The following GRM7 variants were observed in gnomAD, a reference collection of about 807,000 sequenced individuals.
The protein encoded by GRM7 is glutamate metabotropic receptor 7.
A neutral mutation model predicts 84.5 loss-of-function variants in GRM7; 35 were observed. That is an observed-to-expected ratio of 0.41 (90% CI 0.32 to 0.55). GRM7 has a LOEUF of 0.55. Among genes scored for constraint, GRM7 ranks in the 20% least tolerant of loss-of-function variants. The probability of loss-of-function intolerance (pLI) is 0.19; values close to 1 mark genes in which losing one functional copy is unlikely to be tolerated. For missense variants in GRM7, 1,003 were observed against 1,194.6 expected (o/e 0.84, Z 2.36); for synonymous variants, 487 against 455.1 (o/e 1.07, Z -0.89).
rs1702651870 is a variant in GRM7, at chr3:7,740,466, C to T, written c.*60C>T. ...ACCCTCAGTTATTTTGTCACCCAAC[C>T]TGGCATAGGACTCTTTGGTCCTACC... On this transcript the variant is annotated 3_prime_UTR_variant, in exon 10 of 10. Transcript: ENST00000357716. The T allele has an allele frequency of 1.0e-6, 1 of 991,230 alleles. No homozygotes were observed. The highest frequency in any genetic ancestry group is 1.5e-6 in the Non-Finnish European group (1 of 654,046). The allele number at this position is 991,230 out of a possible 1,614,324, so 61.4% of individuals were successfully genotyped here. A position where few individuals can be genotyped will look rare whatever the true frequency, so the allele number is the denominator to read the frequency against.
At chr3:7,301,243 G>A (rs1347032149) in intron 3 of GRM7, among the ~76,000 whole-genome samples, 2 of 151,938 alleles carry the variant, frequency 1.3e-5, no homozygotes, top group Admixed American at 6.5e-5. Flanking sequence ...CTCCAGTTCC[G>A]GAGAACTGAT....
At chr3:7,601,716 A>C (rs1575542682) in intron 8 of GRM7, among the ~76,000 whole-genome samples, 1 of 152,242 alleles carries the variant, frequency 6.6e-6, no homozygotes, top group South Asian at 2.1e-4. Flanking sequence ...GGAGTCATCA[A>C]GAATTCATGC....
intron 1 of GRM7, among the ~76,000 whole-genome samples, chr3:7,094,157 C>T (rs1266133948): frequency 6.6e-6 from 1 of 151,642 alleles, no homozygotes; most frequent in Non-Finnish European, 1.5e-5. Context: ...AAGAGACAGA[C>T]AATAAACAGA....
chr3:7,066,137 A>ACCAAAC (rs1697649475), intron 1 of GRM7, among the ~76,000 whole-genome samples: 1 of 151,818 alleles, frequency 6.6e-6, no homozygotes, highest in South Asian at 2.1e-4. Context: ...ATAAGAACAA[A>ACCAAAC]CCAAACCCAA....
chr3:7,021,531 A>G (rs1334094874), intron 1 of GRM7, among the ~76,000 whole-genome samples: 4 of 152,204 alleles, frequency 2.6e-5, no homozygotes, highest in Admixed American at 1.3e-4. Context: ...TAATTCTCAC[A>G]TCTCAGTTCT....
chr3:6,893,526 G>C (rs1354416064), intron 1 of GRM7, among the ~76,000 whole-genome samples: 1 of 152,098 alleles, frequency 6.6e-6, no homozygotes, highest in African/African-American at 2.4e-5. Flanking sequence ...CATAAACTGA[G>C]CATCCAAAAC....
intron 8 of GRM7, among the ~76,000 whole-genome samples, chr3:7,663,130 A>G (rs1699536603): frequency 6.6e-6 from 1 of 152,194 alleles, no homozygotes; most frequent in Admixed American, 6.5e-5. Context: ...CTGAACTCCC[A>G]GGGAACACAA....
chr3:7,455,290 G>T (rs902637652), intron 6 of GRM7, among the ~76,000 whole-genome samples: 1 of 152,082 alleles, frequency 6.6e-6, no homozygotes, highest in African/African-American at 2.4e-5. Flanking sequence ...ATTTTTTTAG[G>T]CAAGAATCAT....
intron 5 of GRM7, among the ~76,000 whole-genome samples, chr3:7,420,435 A>G (rs1052362360): frequency 1.3e-5 from 2 of 152,128 alleles, no homozygotes; most frequent in African/African-American, 4.8e-5. Flanking sequence ...TTGGTACTCT[A>G]AGACTTTTTT....
chr3:7,215,766 C>T (rs1159257252), intron 2 of GRM7, among the ~76,000 whole-genome samples: 3 of 152,090 alleles, frequency 2.0e-5, no homozygotes, highest in Non-Finnish European at 4.4e-5. Flanking sequence ...TCTTATGGGT[C>T]TTAAAGGCTA....
intron 2 of GRM7, among the ~76,000 whole-genome samples, chr3:7,278,396 C>T (rs983569487): frequency 6.6e-6 from 1 of 152,026 alleles, no homozygotes; most frequent in Admixed American, 6.5e-5. Context: ...TGAAAGAAAA[C>T]ATGTTATTAA....
chr3:7,530,192 G>A (rs1700982727), intron 7 of GRM7, among the ~76,000 whole-genome samples: 1 of 150,210 alleles, frequency 6.7e-6, no homozygotes, highest in Non-Finnish European at 1.5e-5. Context: ...GACATGCAGT[G>A]TTTGGTTTTC....
intron 8 of GRM7, among the ~76,000 whole-genome samples, chr3:7,652,776 G>C (rs947029187): frequency 6.6e-6 from 1 of 152,150 alleles, no homozygotes; most frequent in Admixed American, 6.5e-5. Context: ...ATGACAATAA[G>C]GCCCAGATCA....
intron 7 of GRM7, among the ~76,000 whole-genome samples, chr3:7,476,402 C>G (rs1471703057): frequency 6.6e-6 from 1 of 152,076 alleles, no homozygotes; most frequent in Admixed American, 6.5e-5. Context: ...AAAAAATTAG[C>G]TGGGCATGGT....
In GRM7 at chr3:7,346,912, C is replaced by G. The variant is rs191196100; in HGVS notation, c.1033+40260C>G. 1.3e-3 allele frequency among the ~76,000 whole-genome samples: 192 copies of G among 152,160 alleles called. 1 individual carries two copies. Among genetic ancestry groups the G allele is most frequent in the Middle Eastern group, 6.8e-3 (2 of 294 alleles). ...GTATCTGTAAGACAGCTTCTAATAC[C>G]TACTTTGGGACTTCTGACTTCAGAT... On this transcript the variant is annotated intron_variant, in intron 4 of 9. Transcript: ENST00000357716.
chr3:7,475,078 A>T (rs1698867488), intron 7 of GRM7, among the ~76,000 whole-genome samples: 2 of 152,326 alleles, frequency 1.3e-5, no homozygotes, highest in South Asian at 4.1e-4. Flanking sequence ...CAATTGCCCT[A>T]CGTAAAAGTC....
intron 8 of GRM7, among the ~76,000 whole-genome samples, chr3:7,581,883 C>T (rs566405488): frequency 1.7e-4 from 25 of 151,306 alleles, no homozygotes; most frequent in African/African-American, 6.0e-4. Flanking sequence ...AAATATTAAC[C>T]CCCATGAAGT....
At chr3:7,710,921 A>G (rs551404792) in intron 9 of GRM7, among the ~76,000 whole-genome samples, 1 of 152,272 alleles carries the variant, frequency 6.6e-6, no homozygotes, top group African/African-American at 2.4e-5. Flanking sequence ...TGCCTTCAGC[A>G]CTTCGCTTAG....
At chr3:7,678,000 CAT>C (rs1341658596) in intron 8 of GRM7, among the ~76,000 whole-genome samples, 14 of 152,150 alleles carry the variant, frequency 9.2e-5, no homozygotes, top group Non-Finnish European at 1.5e-4. Context: ...TCAAATACCT[CAT>C]GTTCTTACTT....
Sources: allele counts gnomAD v4.1 joint callset (sites outside exome capture counted in the v4.1 genomes callset), GRCh38; gene constraint gnomAD v4.1.1; transcripts MANE v1.5; gene names NCBI Gene and HGNC (gene_info 2026-07-23, HGNC 2026-07-21).